POLR2B: variants seen among roughly 807,000 people sequenced by gnomAD.
POLR2B encodes the protein DNA-directed RNA polymerase II subunit RPB2.
A neutral mutation model predicts 144.6 loss-of-function variants in POLR2B; 57 were observed. The observed-to-expected ratio is 0.39, with a 90% CI of 0.32 to 0.49. POLR2B has a LOEUF of 0.49. POLR2B is among the 20% of genes least tolerant of loss of function. The pLI is 0.83. For missense variants in POLR2B, 595 were observed against 1,467.4 expected (o/e 0.41, Z 9.71); for synonymous variants, 442 against 469.8 (o/e 0.94, Z 0.77).
rs538713088 is a variant in POLR2B at position 57,000,884 on chromosome 4, C to T, written c.900+1103C>T. 3.3e-5 allele frequency among the ~76,000 whole-genome samples: 5 copies of T among 151,888 alleles called. No homozygotes were observed. The South Asian group carries it at 8.3e-4, about 25-fold the overall frequency. On this transcript the variant is annotated intron_variant, in intron 7 of 24. Transcript: ENST00000314595. The stretch of plus-strand genomic sequence containing the variant: ...CTAATTTTTGTATTTTTAGTAGAGA[C>T]GGGGTTTCACTGTGTTGGCCAGGCT...
Position 57,017,102 on chromosome 4 carries a change from C to T in POLR2B, c.2015C>T (p.Thr672Ile). 1 of 1,612,744 alleles carries T rather than the reference C, an allele frequency of 6.2e-7. No homozygotes were observed. The highest frequency in any genetic ancestry group is 8.5e-7 in the Non-Finnish European group (1 of 1,179,340). The part of the protein sequence containing the change: ...VEYIDTLEEE[T>I]VMLAMTPDDL... ...TATATTGATACCCTGGAAGAAGAAA[C>T]AGTGATGCTTGCAATGACTCCAGAT... The change falls in exon 15 of 25, where the codon ACA becomes ATA. Residue 672 changes from threonine (T) to isoleucine (I), a missense_variant. Thr to Ile is a moderately conservative substitution (Grantham distance 89). Coordinates refer to ENST00000314595, the MANE Select transcript of POLR2B (RefSeq NM_000938.3). This position sits in a 1 kb window ranked among gnomAD's most constrained non-coding sequence, Gnocchi z 4.8.
intron 5 of POLR2B, 65 bp downstream of exon 5, chr4:56,994,931 A>T: frequency 2.3e-3 from 65 of 28,262 alleles, no homozygotes; most frequent in Non-Finnish European, 4.1e-3. Context: ...AGTTGAAATG[A>T]AAAAAAAAAA....
At chr4:56,992,856 A>G (rs1412852611) in intron 3 of POLR2B, among the ~76,000 whole-genome samples, 1 of 151,844 alleles carries the variant, frequency 6.6e-6, no homozygotes, top group Non-Finnish European at 1.5e-5. Flanking sequence ...TCTATTTTTA[A>G]TAGGCATTAG....
At chr4:57,009,777 G>T (rs563778833) in intron 10 of POLR2B, 1 of 152,154 alleles carries the variant, frequency 6.6e-6, no homozygotes, top group African/African-American at 2.4e-5. Context: ...TTTAAGGACT[G>T]GGGGAAGATG....
In POLR2B at chr4:56,979,021, AAC is replaced by A. The variant is rs761700743; in HGVS notation, c.19+22_19+23del. The A allele has an allele frequency of 1.2e-6, 2 of 1,612,528 alleles. No individual in the cohort carries two copies. The highest frequency in any genetic ancestry group is 1.7e-5 in the Admixed American group (1 of 60,016). On this transcript the variant is annotated intron_variant, in intron 1 of 24. Transcript: ENST00000314595. ...CGGATGAGGGTAGGTGAACGCTCAA[AAC>A]ACACGCCGTGGCGGTCCATTTAAGC...
chr4:56,987,937 T>C (rs1235981637), intron 2 of POLR2B, among the ~76,000 whole-genome samples: 1 of 150,340 alleles, frequency 6.7e-6, no homozygotes, highest in Non-Finnish European at 1.5e-5. Context: ...AAAAAAAGTA[T>C]TGAAAGCCAG....
rs1290640444 is a variant in POLR2B at position 57,023,981 on chromosome 4, C to A, written c.2857-24C>A. On this transcript the variant is annotated intron_variant, in intron 20 of 24. Transcript: ENST00000314595. The surrounding 1 kb of genome is among the most constrained non-coding windows in gnomAD (Gnocchi z 4.3). ...TAGTTTAGTATATGTATCTTTGAGT[C>A]CCTTTTAAAATTTTTCTTTGTAGGA... is the stretch of plus-strand genomic sequence containing the variant. 1.5e-6 allele frequency: 2 copies of A among 1,301,128 alleles called. No homozygotes were observed. Among genetic ancestry groups the A allele is most frequent in the African/African-American group, 1.5e-5 (1 of 67,016 alleles). 80.6% of individuals were successfully genotyped at this position (1,301,128 alleles called of 1,614,324 possible).
In POLR2B at chr4:56,997,694, T is replaced by C. The variant is rs1261841406; in HGVS notation, c.736-1923T>C. Among the ~76,000 whole-genome samples the C allele has an allele frequency of 2.6e-5, 4 of 152,234 alleles. No homozygotes were observed. The East Asian group carries it at 5.8e-4, about 22-fold the overall frequency. ...TTGGAGAATCACTGGAAGATAGCTC[T>C]AATTGAGCTGGATGAAGTATGTTGA... On this transcript the variant is annotated intron_variant, in intron 6 of 24. Coordinates refer to ENST00000314595, the MANE Select transcript of POLR2B (RefSeq NM_000938.3).
intron 1 of POLR2B, among the ~76,000 whole-genome samples, chr4:56,983,974 C>T (rs1402195513): frequency 6.6e-6 from 1 of 151,776 alleles, no homozygotes. Flanking sequence ...AAGCGATTCT[C>T]CTGCCTCAGC....
rs778215148 is a variant in POLR2B, at chr4:56,986,337, T to C, written c.20-17T>C. On this transcript the variant is annotated splice_polypyrimidine_tract_variant and intron_variant, in intron 1 of 24. Transcript: ENST00000314595. ...GGCATCTCATTGCAAATGAGTACAA[T>C]ATTTTTGTTTTTACAGATATGCAAT... is the stretch of plus-strand genomic sequence containing the variant. 13 of 1,527,118 alleles carry C rather than the reference T, an allele frequency of 8.5e-6. No homozygotes were observed. Among genetic ancestry groups the C allele is most frequent in the Non-Finnish European group, 1.1e-5 (12 of 1,100,838 alleles). 94.6% of individuals were successfully genotyped at this position (1,527,118 alleles called of 1,614,324 possible). A position where few individuals can be genotyped will look rare whatever the true frequency, so the allele number is the denominator to read the frequency against.
At chr4:57,004,108 C>T (rs1050856569) in intron 7 of POLR2B, among the ~76,000 whole-genome samples, 2 of 146,476 alleles carry the variant, frequency 1.4e-5, no homozygotes, top group African/African-American at 2.5e-5. Context: ...CTCACTGCAA[C>T]CTCCACCTCC....
Position 57,024,187 on chromosome 4 carries a change from C to T in POLR2B, c.2964+75C>T, listed in dbSNP as rs58850828. ...AAACTCTGATAGGTGATTGCTCTCA[C>T]ATTTGAGCCAGGGTACTTTGTAAAA... is the stretch of plus-strand genomic sequence containing the variant. On this transcript the variant is annotated intron_variant, in intron 21 of 24. Coordinates refer to ENST00000314595, the MANE Select transcript of POLR2B (RefSeq NM_000938.3). The T allele has an allele frequency of 5.8e-3, 4,365 of 747,562 alleles. 148 individuals carry two copies. In the African/African-American group the frequency reaches 0.071, roughly 12 times the overall value. 46.3% of individuals were successfully genotyped at this position (747,562 alleles called of 1,614,324 possible). A position where few individuals can be genotyped will look rare whatever the true frequency, so the allele number is the denominator to read the frequency against.
intron 2 of POLR2B, among the ~76,000 whole-genome samples, chr4:56,988,501 CT>C (rs776632326): frequency 1.0e-4 from 15 of 148,886 alleles, no homozygotes; most frequent in African/African-American, 7.4e-5. Flanking sequence ...CTGTCTATCT[CT>C]TTTTTTTTTA....
chr4:56,995,408 A>G lies in POLR2B; in HGVS notation c.734A>G (p.Gln245Arg). ...GTTAGCATGCTGGCAAGAGGAGGAC[A>G]GGTATGGACTGGATATGATGCTATT... ...IWVSMLARGG[Q>R]GAKKSAIGQR... is the part of the protein sequence containing the mutation. The change falls in exon 6 of 25, where the codon CAG (glutamine) becomes CGG (arginine). Residue 245 changes from glutamine (Q) to arginine (R), a missense_variant and splice_region_variant. Around this residue, in one of 9 missense-constraint regions of POLR2B, gnomAD observed 251 missense variants for 567.3 expected, o/e 0.44. Transcript: ENST00000314595. 6.2e-7 allele frequency: 1 copy of G among 1,600,316 alleles called. No homozygotes were observed. Among genetic ancestry groups the G allele is most frequent in the Non-Finnish European group, 8.5e-7 (1 of 1,171,008 alleles).
intron 16 of POLR2B, among the ~76,000 whole-genome samples, chr4:57,018,269 G>A (rs10023088): frequency 0.52 from 79,240 of 151,990 alleles, 20,895 homozygotes; most frequent in East Asian, 0.7. Flanking sequence ...TTCTGACAGC[G>A]GCATAAAGAG....
chr4:56,994,528 T>A lies in POLR2B; in HGVS notation c.356+12T>A. The A allele has an allele frequency of 6.5e-7, 1 of 1,534,014 alleles. No individual in the cohort carries two copies. Among genetic ancestry groups the A allele is most frequent in the Non-Finnish European group, 9.0e-7 (1 of 1,108,026 alleles). On this transcript the variant is annotated intron_variant, in intron 4 of 24. Coordinates refer to ENST00000314595, the MANE Select transcript of POLR2B (RefSeq NM_000938.3). ...TTAAGGAATCTCACGTAAGAAAGAA[T>A]TTTTCCTTGTCAGCAGTAGATACTG...
intron 3 of POLR2B, among the ~76,000 whole-genome samples, chr4:56,993,081 A>G (rs1433226162): frequency 1.3e-5 from 2 of 151,898 alleles, no homozygotes; most frequent in Non-Finnish European, 1.5e-5. Context: ...AGGCAGGCAG[A>G]TCTCTTGAGG....
At chr4:56,999,589 A>G (rs1722795032) in intron 6 of POLR2B, 28 bp from the exon 7 acceptor site, 3 of 1,514,832 alleles carry the variant, frequency 2.0e-6, no homozygotes, top group African/African-American at 2.8e-5. Flanking sequence ...TTGTATATTC[A>G]TGTTCTAATG....
chr4:56,990,230 G>A (rs1036075282), intron 2 of POLR2B, among the ~76,000 whole-genome samples: 1 of 147,946 alleles, frequency 6.8e-6, no homozygotes, highest in Non-Finnish European at 1.5e-5. Flanking sequence ...AGGGCATAAA[G>A]TTTTTTTTTT....
Sources: gnomAD v4.1 joint callset for allele counts (sites outside exome capture counted in the v4.1 genomes callset) on GRCh38, gnomAD v4.1.1 for gene constraint, gnomAD v4.1.1 regional missense constraint, Gnocchi (gnomAD v3.1) non-coding constraint, MANE v1.5 for transcripts, NCBI Gene and HGNC (gene_info 2026-07-23, HGNC 2026-07-21) for gene names.